TTC4: variants seen among roughly 807,000 people sequenced by gnomAD.
TTC4 encodes the protein hsp70/Hsp90 co-chaperone CNS1 homolog.
In TTC4, 36 loss-of-function variants were observed where a neutral mutation model predicts 51.9. That is an observed-to-expected ratio of 0.69 (90% CI 0.53 to 0.92). TTC4 has a LOEUF of 0.92. Ranked by LOEUF, TTC4 falls within the 40% of genes least tolerant of loss-of-function variation. TTC4 has a pLI of 0.00. For synonymous variants in TTC4, 144 were observed against 164.2 expected (o/e 0.88, Z 0.94); for missense variants, 399 against 454.6 (o/e 0.88, Z 1.11).
Position 54,736,239 on chromosome 1 carries a change from GA to G in TTC4, c.979-1341del, listed in dbSNP as rs1557753088. 3.9e-4 allele frequency among the ~76,000 whole-genome samples: 47 copies of G among 119,192 alleles called. 1 individual carries two copies. Among genetic ancestry groups the G allele is most frequent in the African/African-American group, 1.8e-3 (41 of 22,560 alleles). The allele number at this position is 119,192 out of a possible 152,430, so 78.2% of individuals were successfully genotyped here. A position where few individuals can be genotyped will look rare whatever the true frequency, so the allele number is the denominator to read the frequency against. On this transcript the variant is annotated intron_variant, in intron 8 of 9. Transcript: ENST00000371281. ...GAGAGAGAGAAGAGGAGAGGAGAGA[GA>G]AGAGAGGAGAGAGGAGAGAGAGAGA...
chr1:54,719,627 G>A (rs952291717), intron 3 of TTC4, among the ~76,000 whole-genome samples: 1 of 151,972 alleles, frequency 6.6e-6, no homozygotes, highest in Non-Finnish European at 1.5e-5. Flanking sequence ...CAATTTCACC[G>A]TCATTAAAAA....
intron 5 of TTC4, among the ~76,000 whole-genome samples, chr1:54,726,554 T>C (rs920981794): frequency 2.6e-5 from 4 of 152,180 alleles, no homozygotes; most frequent in Non-Finnish European, 5.9e-5. Context: ...ATGAACACTC[T>C]GAAAATGAAC....
At chr1:54,719,198 G>C (rs138253379) in intron 3 of TTC4, among the ~76,000 whole-genome samples, 72 of 148,160 alleles carry the variant, frequency 4.9e-4, no homozygotes, top group Middle Eastern at 3.4e-3. Context: ...GTGCAGCAGA[G>C]GGGTAAGGAA....
intron 4 of TTC4, among the ~76,000 whole-genome samples, chr1:54,721,659 C>T (rs1470979798): frequency 2.0e-5 from 3 of 152,162 alleles, no homozygotes; most frequent in African/African-American, 4.8e-5. Context: ...TATGTAATAA[C>T]AGTGCTTTTA....
At chr1:54,739,536 A>G (rs908631525) in intron 9 of TTC4, among the ~76,000 whole-genome samples, 1 of 152,232 alleles carries the variant, frequency 6.6e-6, no homozygotes, top group African/African-American at 2.4e-5. Flanking sequence ...ATAGGAGGGC[A>G]TCTTTGTCAT....
Position 54,715,945 on chromosome 1 carries a change from G to T in TTC4, c.37G>T (p.Val13Phe). The T allele has an allele frequency of 6.2e-7, 1 of 1,607,736 alleles. No homozygotes were observed. ...QPGQDPTSDDVMDSFLEKFQS... is the reference protein window; with the variant it reads ...QPGQDPTSDDFMDSFLEKFQS... Reference sequence around the variant, plus strand: ...TGGGCAGGATCCCACCTCAGACGACGTCATGGACTCGTTCCTGGAAAAGTT... The same window carrying T: ...TGGGCAGGATCCCACCTCAGACGACTTCATGGACTCGTTCCTGGAAAAGTT... The change falls in exon 1 of 10, where the codon GTC (valine) becomes TTC (phenylalanine). Residue 13 changes from valine to phenylalanine, a missense_variant. Around this residue, in one of 3 missense-constraint regions of TTC4, gnomAD observed 316 missense variants for 349.6 expected, o/e 0.90. Transcript: ENST00000371281.
chr1:54,716,799 C>A, intron 2 of TTC4, 82 bp downstream of exon 2: 2 of 1,126,070 alleles, frequency 1.8e-6, no homozygotes, highest in South Asian at 1.4e-5. Flanking sequence ...TGATTGATAA[C>A]AAGAAGTAGT....
chr1:54,730,145 T>C (rs189402275), intron 6 of TTC4, among the ~76,000 whole-genome samples: 94 of 152,336 alleles, frequency 6.2e-4, no homozygotes, highest in African/African-American at 2.2e-3. Flanking sequence ...AACAATCTGT[T>C]TACATGTATT....
chr1:54,737,674 C>T lies in TTC4; in HGVS notation c.1061+10C>T. The T allele has an allele frequency of 1.2e-6, 2 of 1,611,608 alleles. No individual in the cohort carries two copies. The highest frequency in any genetic ancestry group is 1.7e-6 in the Non-Finnish European group (2 of 1,179,628). ...TTCTACAGCACCAGAGGTGAGTCAT[C>T]TCATGGCGCTGAGTAGATTGGGGAA... On this transcript the variant is annotated intron_variant, in intron 9 of 9. Transcript: ENST00000371281.
Position 54,741,509 on chromosome 1 carries a change from G to A in TTC4, c.1160G>A (p.Arg387Gln), listed in dbSNP as rs369466909. 4 of 1,613,760 alleles carry A rather than the reference G, an allele frequency of 2.5e-6. No homozygotes were observed. The highest frequency in any genetic ancestry group is 3.4e-6 in the Non-Finnish European group (4 of 1,179,772). ...CGGGGGAGAAAGGTGTACCAGATAC[G>A]ATGACTAAGCCAGGGCCCCTGGATC... is the stretch of plus-strand genomic sequence containing the variant. ...FLRGRKVYQI[R>Q] Residue 387 changes from arginine to glutamine, a missense_variant, in exon 10 of 10, where the codon CGA becomes CAA. Arg to Gln is a conservative substitution (Grantham distance 43). Coordinates refer to ENST00000371281, the MANE Select transcript of TTC4 (RefSeq NM_004623.5).
chr1:54,729,884 C>G (rs2101336889), intron 6 of TTC4, among the ~76,000 whole-genome samples: 1 of 152,224 alleles, frequency 6.6e-6, no homozygotes, highest in East Asian at 1.9e-4. Flanking sequence ...CCATGCCCAG[C>G]TAATTTTTGT....
At chr1:54,720,880 A>G (rs1361322394) in intron 3 of TTC4, among the ~76,000 whole-genome samples, 1 of 152,100 alleles carries the variant, frequency 6.6e-6, no homozygotes, top group Non-Finnish European at 1.5e-5. Flanking sequence ...AATACTAGAT[A>G]TTATTTGTCT....
At chr1:54,732,611 A>G (rs1478653477) in intron 7 of TTC4, among the ~76,000 whole-genome samples, 8 of 151,800 alleles carry the variant, frequency 5.3e-5, no homozygotes, top group Middle Eastern at 3.4e-3. Context: ...GGTGAACATC[A>G]CCACATCTGG....
intron 8 of TTC4, chr1:54,737,117 G>A (rs7543886): frequency 0.12 from 18,251 of 155,124 alleles, 1,810 homozygotes; most frequent in African/African-American, 0.26. Flanking sequence ...GTCCTGCTCT[G>A]ACACCCCCGG....
At chr1:54,716,044 C>T in intron 1 of TTC4, 25 bp downstream of exon 1, 3 of 1,549,154 alleles carry the variant, frequency 1.9e-6, no homozygotes, top group East Asian at 2.4e-5. Flanking sequence ...GGTCTCCCCA[C>T]GTGTGTAGGG....
intron 8 of TTC4, among the ~76,000 whole-genome samples, chr1:54,736,223 A>AGAG (rs71048706): frequency 1.0e-4 from 9 of 87,770 alleles, no homozygotes; most frequent in Non-Finnish European, 1.6e-4. Flanking sequence ...AGAGAGAGAG[A>AGAG]AGAGGAGAGG....
intron 7 of TTC4, among the ~76,000 whole-genome samples, chr1:54,732,459 ATT>A (rs553266972): frequency 1.1e-4 from 15 of 139,812 alleles, no homozygotes; most frequent in African/African-American, 1.3e-4. Flanking sequence ...TTTTTTTGTA[ATT>A]TTTTTTTTTT....
At chr1:54,717,322 C>T (rs1397913424) in intron 2 of TTC4, among the ~76,000 whole-genome samples, 170 bp from the exon 3 acceptor site, 1 of 152,094 alleles carries the variant, frequency 6.6e-6, no homozygotes, top group Non-Finnish European at 1.5e-5. Context: ...TACATTTGTG[C>T]GACTTTGTCC....
chr1:54,726,728 T>C (rs552744096), intron 5 of TTC4, among the ~76,000 whole-genome samples: 1 of 152,368 alleles, frequency 6.6e-6, no homozygotes, highest in East Asian at 1.9e-4. Context: ...GATTAGATCT[T>C]AATATTGTTA....
Sources: allele counts gnomAD v4.1 joint callset (sites outside exome capture counted in the v4.1 genomes callset), GRCh38; gene constraint gnomAD v4.1.1; regional missense constraint gnomAD v4.1.1; transcripts MANE v1.5; gene names NCBI Gene and HGNC (gene_info 2026-07-23, HGNC 2026-07-21).